Variants in AQP10 observed in about 807,000 individuals in gnomAD.
AQP10 encodes the protein aquaporin-10.
Under a neutral mutation model 21.0 loss-of-function variants are expected in AQP10, and 15 were observed. The observed-to-expected ratio is 0.71, with a 90% confidence interval of 0.48 to 1.10. The LOEUF (loss-of-function observed/expected upper bound fraction) is 1.10. Ranked by LOEUF, AQP10 falls within the 50% of genes least tolerant of loss-of-function variation. The pLI is 0.00. For missense variants in AQP10, 268 were observed against 379.5 expected (o/e 0.71, Z 2.44); for synonymous variants, 143 against 155.7 (o/e 0.92, Z 0.61).
Position 154,324,669 on chromosome 1 carries a change from C to A in AQP10, c.*189C>A. 1.8e-6 allele frequency: 1 copy of A among 559,600 alleles called. No homozygotes were observed. Among genetic ancestry groups the A allele is most frequent in the Non-Finnish European group, 2.9e-6 (1 of 339,146 alleles). The allele number at this position is 559,600 out of a possible 1,614,324, so 34.7% of individuals were successfully genotyped here. A position where few individuals can be genotyped will look rare whatever the true frequency, so the allele number is the denominator to read the frequency against. ...GGAGAAGTGGAGGAGGATAAGGTAC[C>A]AGGACTCAGGCTTCTCATCCCCTCC... On this transcript the variant is annotated 3_prime_UTR_variant, in exon 6 of 6. Transcript: ENST00000324978.
In AQP10 at chr1:154,323,617, G is replaced by A. The variant is rs1243087590; in HGVS notation, c.518G>A (p.Gly173Glu). Residue 173 changes from glycine to glutamate, a missense_variant, in exon 5 of 6, where the codon GGG becomes GAG. Coordinates refer to ENST00000324978, the MANE Select transcript of AQP10 (RefSeq NM_080429.3). The surrounding 1 kb of genome is among the most constrained non-coding windows in gnomAD (Gnocchi z 4.5). ...QVLGTGMLIV[G>E]LLAILDRRNK... ...CTGGGCACTGGGATGCTGATTGTGG[G>A]GCTCTTGGCCATCCTGGACAGACGG... 1 of 1,614,004 alleles carries A rather than the reference G, an allele frequency of 6.2e-7. No individual in the cohort carries two copies. Among genetic ancestry groups the A allele is most frequent in the South Asian group, 1.1e-5 (1 of 91,078 alleles).
chr1:154,322,489 CT>C (rs5777905), intron 2 of AQP10, among the ~76,000 whole-genome samples: 6 of 117,834 alleles, frequency 5.1e-5, no homozygotes, highest in African/African-American at 1.6e-4. Context: ...GTGTCTTCTT[CT>C]TTTTTTTTTT....
rs1570836768 is a variant in AQP10, at chr1:154,323,170, C to G, written c.370+51C>G. ...TGCCTTGAGAGCACCTGTGGGTGGG[C>G]AGGGGTGCCTCAGAATGGTTTTGGA... On this transcript the variant is annotated intron_variant, in intron 3 of 5. Transcript: ENST00000324978. The surrounding 1 kb of genome is among the most constrained non-coding windows in gnomAD (Gnocchi z 4.5). 1 of 1,613,874 alleles carries G rather than the reference C, an allele frequency of 6.2e-7. No homozygotes were observed. The highest frequency in any genetic ancestry group is 1.1e-5 in the South Asian group (1 of 91,076).
intron 1 of AQP10, among the ~76,000 whole-genome samples, 185 bp from the exon 2 acceptor site, chr1:154,321,748 C>T (rs1357175728): frequency 2.6e-5 from 4 of 152,090 alleles, no homozygotes; most frequent in Admixed American, 6.6e-5. Flanking sequence ...TTTTTTCCCA[C>T]ATTCTTTCCC....
At position 154,324,104 on chromosome 1, in the gene AQP10, G is replaced by C. The variant is rs1685708834; in HGVS notation, c.708-178G>C. 2.6e-6 allele frequency: 3 copies of C among 1,165,950 alleles called. 1 individual carries two copies. The South Asian group carries it at 5.1e-5, about 20-fold the overall frequency. The allele number at this position is 1,165,950 out of a possible 1,614,324, so 72.2% of individuals were successfully genotyped here. On this transcript the variant is annotated intron_variant, in intron 5 of 5. Transcript: ENST00000324978. ...TCCCTAAGGCAAGAGGCTGGACCAAGCTCTCCTGGGGTTCCCTCTTCTAAA... is the reference window on the plus strand; with the variant it reads ...TCCCTAAGGCAAGAGGCTGGACCAACCTCTCCTGGGGTTCCCTCTTCTAAA...
chr1:154,323,410 C>T lies in AQP10; in HGVS notation c.489+51C>T. 1.3e-6 allele frequency: 2 copies of T among 1,570,070 alleles called. No individual in the cohort carries two copies. Among genetic ancestry groups the T allele is most frequent in the Non-Finnish European group, 1.7e-6 (2 of 1,143,336 alleles). On this transcript the variant is annotated intron_variant, in intron 4 of 5. Coordinates refer to ENST00000324978, the MANE Select transcript of AQP10 (RefSeq NM_080429.3). The surrounding 1 kb of genome is among the most constrained non-coding windows in gnomAD (Gnocchi z 4.5). ...ACACTACTTTGGTCCTGTTCCTCGG[C>T]ACCCCAGCCTATTGTTCAGTCTCTG... is the stretch of plus-strand genomic sequence containing the variant.
chr1:154,323,016 G>C lies in AQP10; in HGVS notation c.267G>C (p.Met89Ile), dbSNP rs1429077511. Residue 89 changes from methionine (M) to isoleucine (I), a missense_variant, in exon 3 of 6, where the codon ATG becomes ATC. This residue lies in a region of AQP10 where 229 missense variants were observed against 295.1 expected (regional missense o/e 0.78). Coordinates refer to ENST00000324978, the MANE Select transcript of AQP10 (RefSeq NM_080429.3). The surrounding 1 kb of genome is among the most constrained non-coding windows in gnomAD (Gnocchi z 4.5). ...TGAATCCAGCCTTCTCCCTGGCCATGTGCATCGTTGGACGCCTCCCCTGGG... is the reference window on the plus strand; with the variant it reads ...TGAATCCAGCCTTCTCCCTGGCCATCTGCATCGTTGGACGCCTCCCCTGGG... Reference protein sequence around the residue: ...AHLNPAFSLAMCIVGRLPWVK... With the variant: ...AHLNPAFSLAICIVGRLPWVK... The C allele has an allele frequency of 6.2e-7, 1 of 1,614,184 alleles. No homozygotes were observed. The highest frequency in any genetic ancestry group is 8.5e-7 in the Non-Finnish European group (1 of 1,180,026).
In AQP10 at chr1:154,323,569, C is replaced by A; in HGVS notation, c.490-20C>A. ...CACCTGGCAGCTGACAGGGAACCCT[C>A]TGCCTCTGTTGACTCCAAGGTTCTG... is the stretch of plus-strand genomic sequence containing the variant. On this transcript the variant is annotated intron_variant, in intron 4 of 5. Transcript: ENST00000324978. This position sits in a 1 kb window ranked among gnomAD's most constrained non-coding sequence, Gnocchi z 4.5. 6.2e-7 allele frequency: 1 copy of A among 1,606,260 alleles called. No homozygotes were observed. The highest frequency in any genetic ancestry group is 8.5e-7 in the Non-Finnish European group (1 of 1,173,892).
At position 154,323,468 on chromosome 1, in the gene AQP10, C is replaced by A; in HGVS notation, c.489+109C>A. 3 of 1,480,750 alleles carry A rather than the reference C, an allele frequency of 2.0e-6. No homozygotes were observed. The East Asian group carries it at 6.8e-5, about 34-fold the overall frequency. 91.7% of individuals were successfully genotyped at this position (1,480,750 alleles called of 1,614,324 possible). A position where few individuals can be genotyped will look rare whatever the true frequency, so the allele number is the denominator to read the frequency against. On this transcript the variant is annotated intron_variant, in intron 4 of 5. Transcript: ENST00000324978. The surrounding 1 kb of genome is among the most constrained non-coding windows in gnomAD (Gnocchi z 4.5). Reference sequence around the variant, plus strand: ...TGTGGGTTGGGTCTATCTTGGCACTCCCCACCATCCCCAACTGCCTGTGTT... The same window carrying A: ...TGTGGGTTGGGTCTATCTTGGCACTACCCACCATCCCCAACTGCCTGTGTT...
At chr1:154,322,651 A>G (rs1685674462) in intron 2 of AQP10, among the ~76,000 whole-genome samples, 1 of 151,848 alleles carries the variant, frequency 6.6e-6, no homozygotes, top group Non-Finnish European at 1.5e-5. Flanking sequence ...GGCACCTGCT[A>G]CCACGCCTGG....
Position 154,323,797 on chromosome 1 carries a change from A to C in AQP10, c.698A>C (p.Glu233Ala). Reference sequence around the variant, plus strand: ...ACCTACGTGGCTGGCTGGGGTCCTGAAGTCTTCAGGTGGGAGACAGACTCT... The same window carrying C: ...ACCTACGTGGCTGGCTGGGGTCCTGCAGTCTTCAGGTGGGAGACAGACTCT... The part of the protein sequence containing the change: ...LFTYVAGWGP[E>A]VFSAGNGWWW... The change falls in exon 5 of 6, where the codon GAA (glutamate) becomes GCA (alanine). Residue 233 changes from glutamate (E) to alanine (A), a missense_variant. Glu to Ala is a moderately radical substitution (Grantham distance 107, BLOSUM62 -1). Transcript: ENST00000324978. This position sits in a 1 kb window ranked among gnomAD's most constrained non-coding sequence, Gnocchi z 4.5. 4 of 1,613,938 alleles carry C rather than the reference A, an allele frequency of 2.5e-6. No individual in the cohort carries two copies. Among genetic ancestry groups the C allele is most frequent in the Non-Finnish European group, 3.4e-6 (4 of 1,179,916 alleles).
At position 154,324,861 on chromosome 1, in the gene AQP10, T is replaced by G; in HGVS notation, c.*381T>G. On this transcript the variant is annotated 3_prime_UTR_variant, in exon 6 of 6. Transcript: ENST00000324978. ...GCACAACCCTGGGGACTGCCCTCCA[T>G]AGCCTGTCCCGACTGCCGACTCCTA... 6.4e-6 allele frequency: 1 copy of G among 157,380 alleles called. No homozygotes were observed. The highest frequency in any genetic ancestry group is 1.4e-5 in the Non-Finnish European group (1 of 71,496). 9.7% of individuals were successfully genotyped at this position (157,380 alleles called of 1,614,324 possible). A position where few individuals can be genotyped will look rare whatever the true frequency, so the allele number is the denominator to read the frequency against.
Position 154,324,469 on chromosome 1 carries a change from T to A in AQP10, c.895T>A (p.Cys299Ser). The A allele has an allele frequency of 6.2e-7, 1 of 1,612,864 alleles. No homozygotes were observed. The highest frequency in any genetic ancestry group is 1.1e-5 in the South Asian group (1 of 91,004). The change falls in exon 6 of 6, where the codon TGT (cysteine) becomes AGT (serine). Residue 299 changes from cysteine (C) to serine (S), a missense_variant. Physicochemically the swap from Cys to Ser is moderately radical, Grantham distance 112 (BLOSUM62 -1). This residue lies in a region of AQP10 where 229 missense variants were observed against 295.1 expected (regional missense o/e 0.78). Coordinates refer to ENST00000324978, the MANE Select transcript of AQP10 (RefSeq NM_080429.3). ...TCCTGCCTCAGCTCAGATGCTGGAG[T>A]GTAAGCTATGATTAGGACAACCCTC... ...ETPASAQMLE[C>S]KL
Position 154,323,129 on chromosome 1 carries a change from G to A in AQP10, c.370+10G>A, listed in dbSNP as rs1357571296. 1.2e-6 allele frequency: 2 copies of A among 1,613,702 alleles called. No individual in the cohort carries two copies. The highest frequency in any genetic ancestry group is 1.7e-5 in the Admixed American group (1 of 59,994). ...TATGTTCTCTACCATGGTGACAGAGGGAACAGAGGGAGCTGTGCCTTGAGA... is the reference window on the plus strand; with the variant it reads ...TATGTTCTCTACCATGGTGACAGAGAGAACAGAGGGAGCTGTGCCTTGAGA... On this transcript the variant is annotated intron_variant, in intron 3 of 5. Transcript: ENST00000324978. The surrounding 1 kb of genome is among the most constrained non-coding windows in gnomAD (Gnocchi z 4.5).
At chr1:154,322,502 T>TTC (rs1685668231) in intron 2 of AQP10, among the ~76,000 whole-genome samples, 1 of 147,348 alleles carries the variant, frequency 6.8e-6, no homozygotes, top group South Asian at 2.2e-4. Context: ...TTTTTTTTTT[T>TTC]TTTTTCTTTT....
chr1:154,323,970 C>T lies in AQP10; in HGVS notation c.707+164C>T, dbSNP rs780846463. On this transcript the variant is annotated intron_variant, in intron 5 of 5. Transcript: ENST00000324978. This position sits in a 1 kb window ranked among gnomAD's most constrained non-coding sequence, Gnocchi z 4.5. ...TCCCCCTTTCTCCCTTGCTTCCCTC[C>T]CAACTTTTCACTGAAACAGTAAGAT... 87 of 1,456,324 alleles carry T rather than the reference C, an allele frequency of 6.0e-5. No individual in the cohort carries two copies. Among genetic ancestry groups the T allele is most frequent in the Non-Finnish European group, 7.7e-5 (85 of 1,103,108 alleles). The allele number at this position is 1,456,324 out of a possible 1,614,324, so 90.2% of individuals were successfully genotyped here.
At position 154,324,668 on chromosome 1, in the gene AQP10, C is replaced by T; in HGVS notation, c.*188C>T. The T allele has an allele frequency of 1.7e-6, 1 of 572,576 alleles. No individual in the cohort carries two copies. Among genetic ancestry groups the T allele is most frequent in the South Asian group, 2.8e-5 (1 of 35,170 alleles). 35.5% of individuals were successfully genotyped at this position (572,576 alleles called of 1,614,324 possible). A position where few individuals can be genotyped will look rare whatever the true frequency, so the allele number is the denominator to read the frequency against. Reference sequence around the variant, plus strand: ...GGGAGAAGTGGAGGAGGATAAGGTACCAGGACTCAGGCTTCTCATCCCCTC... The same window carrying T: ...GGGAGAAGTGGAGGAGGATAAGGTATCAGGACTCAGGCTTCTCATCCCCTC... On this transcript the variant is annotated 3_prime_UTR_variant, in exon 6 of 6. Transcript: ENST00000324978.
Position 154,323,751 on chromosome 1 carries a change from G to T in AQP10, c.652G>T (p.Asp218Tyr). 1 of 1,614,196 alleles carries T rather than the reference G, an allele frequency of 6.2e-7. No homozygotes were observed. Among genetic ancestry groups the T allele is most frequent in the Non-Finnish European group, 8.5e-7 (1 of 1,180,038 alleles). The change falls in exon 5 of 6, where the codon GAC becomes TAC. Residue 218 changes from aspartate to tyrosine, a missense_variant. Physicochemically the swap from Asp to Tyr is radical, Grantham distance 160 (BLOSUM62 -3). Coordinates refer to ENST00000324978, the MANE Select transcript of AQP10 (RefSeq NM_080429.3). The surrounding 1 kb of genome is among the most constrained non-coding windows in gnomAD (Gnocchi z 4.5). ...NCGIPLNPAR[D>Y]LGPRLFTYVA... ...CGGGATTCCACTCAACCCTGCCCGG[G>T]ACCTGGGCCCACGTCTCTTCACCTA...
Position 154,322,996 on chromosome 1 carries a change from C to A in AQP10, c.247C>A (p.Pro83Thr). 2 of 1,614,194 alleles carry A rather than the reference C, an allele frequency of 1.2e-6. No individual in the cohort carries two copies. The highest frequency in any genetic ancestry group is 2.7e-5 in the African/African-American group (2 of 75,038). Residue 83 changes from proline (P) to threonine (T), a missense_variant, in exon 3 of 6, where the codon CCA becomes ACA. Physicochemically the swap from Pro to Thr is conservative, Grantham distance 38 (BLOSUM62 -1). Coordinates refer to ENST00000324978, the MANE Select transcript of AQP10 (RefSeq NM_080429.3). ...GATACTTGAAGGGGCCCACCTGAAT[C>A]CAGCCTTCTCCCTGGCCATGTGCAT... is the stretch of plus-strand genomic sequence containing the variant. ...GGNVSGAHLN[P>T]AFSLAMCIVG... is the part of the protein sequence containing the mutation.
Sources: gnomAD v4.1 joint callset for allele counts (sites outside exome capture counted in the v4.1 genomes callset) on GRCh38, gnomAD v4.1.1 for gene constraint, gnomAD v4.1.1 regional missense constraint, Gnocchi (gnomAD v3.1) non-coding constraint, MANE v1.5 for transcripts, NCBI Gene and HGNC (gene_info 2026-07-23, HGNC 2026-07-21) for gene names.